Variants in CNTNAP2 observed in about 807,000 individuals in gnomAD.
CNTNAP2 encodes contactin-associated protein-like 2.
In CNTNAP2, 98 loss-of-function variants were observed where a neutral mutation model predicts 155.2. That is an observed-to-expected ratio of 0.63 (90% CI 0.54 to 0.75). The LOEUF (loss-of-function observed/expected upper bound fraction) is 0.75. Ranked by LOEUF, CNTNAP2 falls within the 30% of genes least tolerant of loss-of-function variation. CNTNAP2 has a pLI of 0.00. For missense variants in CNTNAP2, 1,727 were observed against 1,688.1 expected, an observed-to-expected ratio of 1.02 and a Z score of -0.40; for synonymous variants, 651 against 631.2, an observed-to-expected ratio of 1.03 and a Z score of -0.47.
At chr7:146,700,568 AAGT>A (rs1462926012) in intron 1 of CNTNAP2, among the ~76,000 whole-genome samples, 1 of 152,132 alleles carries the variant, frequency 6.6e-6, no homozygotes, top group Admixed American at 6.6e-5. Context: ...GACAATGAAA[AAGT>A]AGGCTCTAGG....
At chr7:148,080,743 G>A (rs1310197219) in intron 15 of CNTNAP2, among the ~76,000 whole-genome samples, 1 of 151,980 alleles carries the variant, frequency 6.6e-6, no homozygotes, top group Non-Finnish European at 1.5e-5. Context: ...ATTTTATCTA[G>A]GAACACTTTT....
intron 1 of CNTNAP2, among the ~76,000 whole-genome samples, chr7:146,594,913 C>G (rs905473219): frequency 6.6e-6 from 1 of 152,032 alleles, no homozygotes; most frequent in African/African-American, 2.4e-5. Context: ...AACATGACAA[C>G]GCTGACCCTG....
At chr7:146,983,155 T>C (rs958100076) in intron 3 of CNTNAP2, among the ~76,000 whole-genome samples, 6 of 152,202 alleles carry the variant, frequency 3.9e-5, no homozygotes, top group African/African-American at 1.4e-4. Context: ...ACTGCAATTA[T>C]TAATTAATCA....
intron 1 of CNTNAP2, among the ~76,000 whole-genome samples, chr7:146,548,423 A>G (rs1457992000): frequency 6.6e-6 from 1 of 152,054 alleles, no homozygotes; most frequent in Non-Finnish European, 1.5e-5. Context: ...TGCTGCAAAG[A>G]ATATACACTT....
intron 16 of CNTNAP2, among the ~76,000 whole-genome samples, chr7:148,141,210 A>G (rs929233618): frequency 1.3e-5 from 2 of 152,266 alleles, no homozygotes; most frequent in South Asian, 2.1e-4. Flanking sequence ...CCCTGTTCCT[A>G]CAAGTAGAGT....
intron 11 of CNTNAP2, among the ~76,000 whole-genome samples, chr7:147,486,720 T>G (rs188243813): frequency 2.6e-5 from 4 of 152,304 alleles, no homozygotes; most frequent in Admixed American, 2.6e-4. Context: ...TTTCTGTACT[T>G]AAAAAATTTA....
chr7:146,770,945 G>T (rs17170257), intron 1 of CNTNAP2, among the ~76,000 whole-genome samples: 2 of 152,206 alleles, frequency 1.3e-5, no homozygotes, highest in South Asian at 4.1e-4. Flanking sequence ...GAGCTAGCCT[G>T]ATTGAGCAGG....
intron 15 of CNTNAP2, among the ~76,000 whole-genome samples, chr7:148,098,910 G>T (rs1032551404): frequency 6.6e-6 from 1 of 152,144 alleles, no homozygotes; most frequent in Non-Finnish European, 1.5e-5. Context: ...AGGTGCCAGG[G>T]AAGCCCAGAA....
chr7:147,947,462 A>T (rs1800841098), intron 14 of CNTNAP2, among the ~76,000 whole-genome samples: 1 of 149,254 alleles, frequency 6.7e-6, no homozygotes, highest in African/African-American at 2.5e-5. Context: ...TACAAAAAAA[A>T]AAAAAAAAAA....
chr7:147,002,226 G>A (rs1422020090), intron 3 of CNTNAP2, among the ~76,000 whole-genome samples: 2 of 151,954 alleles, frequency 1.3e-5, no homozygotes, highest in South Asian at 2.1e-4. Context: ...CAGCCAAATG[G>A]ATGAACATAC....
intron 1 of CNTNAP2, among the ~76,000 whole-genome samples, chr7:146,164,761 A>G (rs1200856071): frequency 1.3e-5 from 2 of 152,200 alleles, no homozygotes; most frequent in Non-Finnish European, 2.9e-5. Context: ...ATAGTTTTAC[A>G]AAATGCGTCA....
intron 3 of CNTNAP2, among the ~76,000 whole-genome samples, chr7:146,894,324 A>G (rs961310084): frequency 6.6e-6 from 1 of 152,188 alleles, no homozygotes; most frequent in East Asian, 1.9e-4. Context: ...ATTCCTTTAT[A>G]TGGGAAACAA....
At chr7:147,892,938 C>G (rs1169256279) in intron 13 of CNTNAP2, among the ~76,000 whole-genome samples, 2 of 152,114 alleles carry the variant, frequency 1.3e-5, no homozygotes, top group African/African-American at 2.4e-5. Context: ...TAGTGACATT[C>G]AATCACAGAA....
intron 1 of CNTNAP2, among the ~76,000 whole-genome samples, chr7:146,302,645 A>G (rs570827185): frequency 6.6e-6 from 1 of 152,246 alleles, no homozygotes; most frequent in African/African-American, 2.4e-5. Context: ...TAGAGGCCGA[A>G]CTCTTAAACA....
At chr7:148,208,941 G>A (rs1344734268) in intron 18 of CNTNAP2, among the ~76,000 whole-genome samples, 1 of 152,154 alleles carries the variant, frequency 6.6e-6, no homozygotes, top group African/African-American at 2.4e-5. Context: ...TGAAAAGGGT[G>A]ACTTCTCAGG....
chr7:147,213,616 T>C (rs1295230210), intron 8 of CNTNAP2, among the ~76,000 whole-genome samples: 1 of 151,908 alleles, frequency 6.6e-6, no homozygotes, highest in African/African-American at 2.4e-5. Flanking sequence ...TTCAGAGAGA[T>C]AGAATCAAAA....
chr7:147,770,368 GA>G (rs1432536164), intron 13 of CNTNAP2, among the ~76,000 whole-genome samples: 2 of 152,078 alleles, frequency 1.3e-5, no homozygotes, highest in East Asian at 3.9e-4. Flanking sequence ...AACAAGATGA[GA>G]AAAAACAAAA....
chr7:147,106,153 T>A (rs548265369), intron 4 of CNTNAP2, among the ~76,000 whole-genome samples: 63 of 152,218 alleles, frequency 4.1e-4, no homozygotes, highest in African/African-American at 1.4e-3. Flanking sequence ...TTTATGTCAA[T>A]TAAAATATGC....
chr7:146,236,231 C>T (rs547216384), intron 1 of CNTNAP2, among the ~76,000 whole-genome samples: 2 of 151,638 alleles, frequency 1.3e-5, no homozygotes, highest in African/African-American at 4.8e-5. Flanking sequence ...TCTCTAATAC[C>T]GCTGTGTACT....
Sources: gnomAD v4.1 joint callset for allele counts (sites outside exome capture counted in the v4.1 genomes callset) on GRCh38, gnomAD v4.1.1 for gene constraint, MANE v1.5 for transcripts, NCBI Gene and HGNC (gene_info 2026-07-23, HGNC 2026-07-21) for gene names.